Variants in PLAA observed in about 807,000 individuals in gnomAD.
The protein encoded by PLAA is phospholipase A2 activating protein, also known as phospholipase A-2-activating protein.
A neutral mutation model predicts 84.1 loss-of-function variants in PLAA; 48 were observed. That is an observed-to-expected ratio of 0.57 (90% CI 0.45 to 0.73). The LOEUF (loss-of-function observed/expected upper bound fraction) is 0.73, where lower values mean the gene tolerates loss of function less well. Among genes scored for constraint, PLAA ranks in the 30% least tolerant of loss-of-function variants. The pLI is 0.00. For missense variants in PLAA, 903 were observed against 954.7 expected (o/e 0.95, Z 0.71); for synonymous variants, 392 against 336.6 (o/e 1.16, Z -1.80).
chr9:26,924,250 T>C (rs142130812), intron 6 of PLAA, among the ~76,000 whole-genome samples: 1,934 of 151,878 alleles, frequency 0.013, 38 homozygotes, highest in African/African-American at 0.045. Context: ...CCCACCTCAG[T>C]CTCCTGAGCA....
At chr9:26,927,543 A>C (rs759162885) in intron 4 of PLAA, among the ~76,000 whole-genome samples, 5 of 152,200 alleles carry the variant, frequency 3.3e-5, no homozygotes, top group Non-Finnish European at 7.3e-5. Context: ...GTAAATACTT[A>C]AGTACCCTAC....
chr9:26,908,568 C>T (rs1473031109), intron 12 of PLAA, among the ~76,000 whole-genome samples: 4 of 151,940 alleles, frequency 2.6e-5, no homozygotes, highest in East Asian at 3.9e-4. Context: ...GATTTTCAAG[C>T]GATTCTCCTG....
intron 2 of PLAA, among the ~76,000 whole-genome samples, chr9:26,933,825 T>G (rs1825271034): frequency 6.6e-6 from 1 of 151,870 alleles, no homozygotes; most frequent in Non-Finnish European, 1.5e-5. Flanking sequence ...TTTTTGTTTT[T>G]AGAGACAGGG....
intron 1 of PLAA, among the ~76,000 whole-genome samples, chr9:26,944,840 A>G (rs1050764369): frequency 1.3e-5 from 2 of 152,222 alleles, no homozygotes; most frequent in African/African-American, 4.8e-5. Flanking sequence ...CAAAAAAATC[A>G]TGAGTTCGGC....
At chr9:26,919,960 C>T (rs1824703257) in intron 8 of PLAA, among the ~76,000 whole-genome samples, 1 of 152,164 alleles carries the variant, frequency 6.6e-6, no homozygotes, top group Non-Finnish European at 1.5e-5. Flanking sequence ...CAGAAGCTCC[C>T]AATCCAAAAT....
chr9:26,934,882 G>A (rs963621729), intron 2 of PLAA, 131 bp downstream of exon 2: 70 of 655,682 alleles, frequency 1.1e-4, no homozygotes, highest in African/African-American at 1.0e-3. Flanking sequence ...GCCCAAAAGC[G>A]TTTCCATTAC....
intron 7 of PLAA, among the ~76,000 whole-genome samples, chr9:26,922,416 T>C (rs1483323871): frequency 6.6e-6 from 1 of 152,030 alleles, no homozygotes; most frequent in East Asian, 1.9e-4. Context: ...GCACCATAAG[T>C]GCAAACATTA....
In PLAA at chr9:26,915,809, G is replaced by C. The variant is rs1439153846; in HGVS notation, c.1486+1288C>G. ...TGGCCCCAGGAGTTTTCTTGATTTT[G>C]CTGGTATTAGTTGAAGCTTGATATG... On this transcript the variant is annotated intron_variant, in intron 10 of 13. Coordinates refer to ENST00000397292, the MANE Select transcript of PLAA (RefSeq NM_001031689.3). The C allele has an allele frequency of 6.1e-6, 6 of 985,154 alleles. No homozygotes were observed. The African/African-American group carries it at 1.0e-4, about 17-fold the overall frequency. 61.0% of individuals were successfully genotyped at this position (985,154 alleles called of 1,614,324 possible).
chr9:26,906,423 C>CTTTT (rs35324777), intron 13 of PLAA, among the ~76,000 whole-genome samples: 37 of 95,038 alleles, frequency 3.9e-4, no homozygotes, highest in Middle Eastern at 6.4e-3. Flanking sequence ...AGGGAAAGTT[C>CTTTT]TTTTTTTTTT....
At chr9:26,944,297 C>T (rs899537328) in intron 1 of PLAA, among the ~76,000 whole-genome samples, 2 of 151,334 alleles carry the variant, frequency 1.3e-5, no homozygotes, top group Non-Finnish European at 2.9e-5. Flanking sequence ...AAATACATTT[C>T]TTTTCTTTAC....
Position 26,907,906 on chromosome 9 carries a change from A to G in PLAA, c.1750T>C (p.Cys584Arg), listed in dbSNP as rs1375805046. The part of the protein sequence containing the change: ...ILLEKILSLI[C>R]NSSSEKPTVQ... ...GTGGGTTTTTCTGAAGAACTATTAC[A>G]TATTAGAGACAGTATCTTCTCAAGA... The change falls in exon 13 of 14, where the codon TGT becomes CGT. Residue 584 changes from cysteine (C) to arginine (R), a missense_variant. Physicochemically the swap from Cys to Arg is radical, Grantham distance 180. Coordinates refer to ENST00000397292, the MANE Select transcript of PLAA (RefSeq NM_001031689.3). 6 of 1,612,186 alleles carry G rather than the reference A, an allele frequency of 3.7e-6. No homozygotes were observed. In the South Asian group the frequency reaches 4.4e-5, roughly 12 times the overall value.
At chr9:26,930,806 C>T (rs781696300) in intron 2 of PLAA, among the ~76,000 whole-genome samples, 22 of 151,338 alleles carry the variant, frequency 1.5e-4, no homozygotes, top group Non-Finnish European at 2.8e-4. Flanking sequence ...TGGTCGTGAA[C>T]TCCTGACTTC....
chr9:26,935,613 G>C (rs886601990), intron 1 of PLAA, among the ~76,000 whole-genome samples: 1 of 152,114 alleles, frequency 6.6e-6, no homozygotes, highest in Middle Eastern at 3.4e-3. Flanking sequence ...TAAATATACT[G>C]AGGACTTTTT....
chr9:26,929,198 T>A (rs1411834884), intron 2 of PLAA, among the ~76,000 whole-genome samples: 1 of 151,802 alleles, frequency 6.6e-6, no homozygotes, highest in Non-Finnish European at 1.5e-5. Flanking sequence ...CAAGATTCTG[T>A]CTTTAAAAAA....
Position 26,919,317 on chromosome 9 carries a change from T to C in PLAA, c.1410A>G (p.Pro470=). ...ATATAAACACTAACTTACCTGTAAATGGATCTGAAAAGCTGGGATTCCCAA... is the reference window on the plus strand; with the variant it reads ...ATATAAACACTAACTTACCTGTAAACGGATCTGAAAAGCTGGGATTCCCAA... ...LGLGNPSFSD[P]FTGGGRYVPG... Residue 470 remains proline, a synonymous_variant, in exon 9 of 14, where the codon CCA becomes CCG. Coordinates refer to ENST00000397292, the MANE Select transcript of PLAA (RefSeq NM_001031689.3). 5.6e-6 allele frequency: 9 copies of C among 1,604,774 alleles called. No homozygotes were observed. Among genetic ancestry groups the C allele is most frequent in the Non-Finnish European group, 6.8e-6 (8 of 1,174,222 alleles).
At chr9:26,941,860 G>A (rs1448765385) in intron 1 of PLAA, among the ~76,000 whole-genome samples, 1 of 151,482 alleles carries the variant, frequency 6.6e-6, no homozygotes, top group Non-Finnish European at 1.5e-5. Context: ...AGCAGCCAAA[G>A]AATTAATTGA....
At chr9:26,928,791 T>C (rs1825067525) in intron 2 of PLAA, among the ~76,000 whole-genome samples, 1 of 152,252 alleles carries the variant, frequency 6.6e-6, no homozygotes, top group East Asian at 1.9e-4. Context: ...AAGGCTGCTT[T>C]CATGACAGTG....
intron 1 of PLAA, among the ~76,000 whole-genome samples, chr9:26,942,749 G>C (rs1299958280): frequency 6.6e-6 from 1 of 151,890 alleles, no homozygotes; most frequent in Non-Finnish European, 1.5e-5. Context: ...GGGCGCCGTG[G>C]CGGGCGCCTA....
intron 6 of PLAA, among the ~76,000 whole-genome samples, chr9:26,924,997 A>T (rs542640025): frequency 1.3e-5 from 2 of 152,302 alleles, no homozygotes; most frequent in South Asian, 4.1e-4. Context: ...CAATTCTCCC[A>T]CTTCTCCATT....
Sources: allele counts gnomAD v4.1 joint callset (sites outside exome capture counted in the v4.1 genomes callset), GRCh38; gene constraint gnomAD v4.1.1; transcripts MANE v1.5; gene names NCBI Gene and HGNC (gene_info 2026-07-23, HGNC 2026-07-21).